Variants in POC1A observed in about 807,000 individuals in gnomAD.
POC1A encodes POC1 centriolar protein A.
In POC1A, 34 loss-of-function variants were observed where a neutral mutation model predicts 47.8. The ratio of observed to expected loss-of-function variants is 0.71; its 90% confidence interval spans 0.54 to 0.95. POC1A has a LOEUF of 0.95. Ranked by LOEUF, POC1A falls within the 40% of genes least tolerant of loss-of-function variation. The pLI is 0.00. For missense variants in POC1A, 466 were observed against 528.3 expected, an observed-to-expected ratio of 0.88 and a Z score of 1.16; for synonymous variants, 177 against 207.6, an observed-to-expected ratio of 0.85 and a Z score of 1.27.
Position 52,080,534 on chromosome 3 carries a change from C to T in POC1A, c.1126-4549G>A, listed in dbSNP as rs569644082. 5.9e-5 allele frequency among the ~76,000 whole-genome samples: 9 copies of T among 152,282 alleles called. No homozygotes were observed. The East Asian group carries it at 1.5e-3, about 26-fold the overall frequency. ...TTGTCAGGCCTCATGTGTCACCTCC[C>T]CCTGAAAAGCAGTCTCTTACCTGGC... On this transcript the variant is annotated intron_variant, in intron 10 of 10. Transcript: ENST00000296484.
chr3:52,083,934 G>A (rs1019377362), intron 10 of POC1A, among the ~76,000 whole-genome samples: 4 of 152,244 alleles, frequency 2.6e-5, no homozygotes. Context: ...AGGGTGCTTG[G>A]CCTCAAGTGG....
At chr3:52,124,898 T>A (rs1703937520) in intron 8 of POC1A, among the ~76,000 whole-genome samples, 1 of 152,188 alleles carries the variant, frequency 6.6e-6, no homozygotes, top group Admixed American at 6.5e-5. Context: ...GATGCAGCCA[T>A]GAGGTCGGCA....
intron 1 of POC1A, among the ~76,000 whole-genome samples, chr3:52,152,716 A>G (rs1698597536): frequency 6.6e-6 from 1 of 152,274 alleles, no homozygotes; most frequent in Non-Finnish European, 1.5e-5. Context: ...ACAAATGTTC[A>G]GAGCAGCATT....
chr3:52,131,648 C>T (rs1288173801), intron 7 of POC1A, among the ~76,000 whole-genome samples: 1 of 152,142 alleles, frequency 6.6e-6, no homozygotes, highest in Non-Finnish European at 1.5e-5. Flanking sequence ...CCAAGGCACC[C>T]GGCAAAGCAA....
At chr3:52,081,505 G>C (rs1702280903) in intron 10 of POC1A, among the ~76,000 whole-genome samples, 2 of 151,700 alleles carry the variant, frequency 1.3e-5, no homozygotes, top group African/African-American at 4.9e-5. Flanking sequence ...TGCTGGGACG[G>C]AGGGGCAAGA....
chr3:52,154,243 CCCTGGAA>C, intron 1 of POC1A, 105 bp downstream of exon 1: 1 of 1,216,592 alleles, frequency 8.2e-7, no homozygotes, highest in Non-Finnish European at 1.2e-6. Flanking sequence ...AAGAGGACCA[CCCTGGAA>C]CCTGGCGCCC....
At chr3:52,095,992 T>C (rs937802460) in intron 10 of POC1A, among the ~76,000 whole-genome samples, 3 of 152,268 alleles carry the variant, frequency 2.0e-5, no homozygotes, top group South Asian at 2.1e-4. Flanking sequence ...CTAACATTTA[T>C]TGAGCAGCTA....
chr3:52,093,133 C>T (rs549521194), intron 10 of POC1A, among the ~76,000 whole-genome samples: 1 of 152,348 alleles, frequency 6.6e-6, no homozygotes, highest in East Asian at 1.9e-4. Context: ...TGGGCTGCTG[C>T]TTCTGTTACC....
At chr3:52,085,088 C>G (rs1233822736) in intron 10 of POC1A, among the ~76,000 whole-genome samples, 1 of 152,182 alleles carries the variant, frequency 6.6e-6, no homozygotes, top group Non-Finnish European at 1.5e-5. Flanking sequence ...CTGGGAGAGG[C>G]AGTAGGAGGG....
At chr3:52,118,461 G>C (rs763041437) in intron 9 of POC1A, among the ~76,000 whole-genome samples, 3 of 152,220 alleles carry the variant, frequency 2.0e-5, no homozygotes, top group Admixed American at 6.5e-5. Context: ...GCAGTGAACA[G>C]AGCTCTATTC....
At chr3:52,088,294 A>C (rs939033394) in intron 10 of POC1A, among the ~76,000 whole-genome samples, 1 of 152,032 alleles carries the variant, frequency 6.6e-6, no homozygotes, top group Non-Finnish European at 1.5e-5. Flanking sequence ...CAGTGGGAAA[A>C]CCTGAGCAAT....
rs149522762 is a variant in POC1A at position 52,102,900 on chromosome 3, C to T, written c.982-6188G>A. ...TGGAAAGGCAAAGGAACTAGAAAAG[C>T]CAAAATAATTTTGAAAAAAAGAATA... On this transcript the variant is annotated intron_variant, in intron 9 of 10. Coordinates refer to ENST00000296484, the MANE Select transcript of POC1A (RefSeq NM_015426.5). 5.4e-3 allele frequency among the ~76,000 whole-genome samples: 820 copies of T among 152,062 alleles called. 4 individuals carry two copies. Among genetic ancestry groups the T allele is most frequent in the Admixed American group, 8.1e-3 (124 of 15,282 alleles).
rs1277642896 is a variant in POC1A, at chr3:52,084,363, C to T, written c.1126-8378G>A. On this transcript the variant is annotated intron_variant, in intron 10 of 10. Coordinates refer to ENST00000296484, the MANE Select transcript of POC1A (RefSeq NM_015426.5). This position sits in a 1 kb window ranked among gnomAD's most constrained non-coding sequence, Gnocchi z 4.3. ...AGGGAAGCTGGAGCCGTAACTTCTC[C>T]AAAACTGAGGAGTTGTGGGACACTC... Among the ~76,000 whole-genome samples, 1 of 152,168 alleles carries T rather than the reference C, an allele frequency of 6.6e-6. No individual in the cohort carries two copies. The highest frequency in any genetic ancestry group is 6.5e-5 in the Admixed American group (1 of 15,276).
chr3:52,075,754 G>A lies in POC1A; in HGVS notation c.*133C>T. 1.4e-6 allele frequency: 1 copy of A among 735,712 alleles called. No homozygotes were observed. The highest frequency in any genetic ancestry group is 2.6e-5 in the East Asian group (1 of 38,058). 45.6% of individuals were successfully genotyped at this position (735,712 alleles called of 1,614,324 possible). On this transcript the variant is annotated 3_prime_UTR_variant, in exon 11 of 11. Transcript: ENST00000296484. The stretch of plus-strand genomic sequence containing the variant: ...AGATAGCAAGGTGGAGGGCAGAACT[G>A]CAAAAATCCAGGGCTCCAGTATGGA...
chr3:52,144,314 T>G (rs560117126), intron 6 of POC1A, among the ~76,000 whole-genome samples: 4 of 152,130 alleles, frequency 2.6e-5, no homozygotes, highest in Non-Finnish European at 5.9e-5. Context: ...GAAGGAAGGA[T>G]AGGAAAGATA....
chr3:52,148,698 C>T (rs1413495828), intron 4 of POC1A, among the ~76,000 whole-genome samples: 1 of 152,224 alleles, frequency 6.6e-6, no homozygotes, highest in African/African-American at 2.4e-5. Context: ...CTGAGAACAT[C>T]CCAGAGGAAA....
intron 10 of POC1A, among the ~76,000 whole-genome samples, chr3:52,091,662 G>C (rs1702652080): frequency 6.6e-6 from 1 of 152,170 alleles, no homozygotes; most frequent in African/African-American, 2.4e-5. Context: ...CAACTCAAAA[G>C]CATTTCTGGG....
At chr3:52,128,539 C>T (rs541359600) in intron 7 of POC1A, among the ~76,000 whole-genome samples, 3 of 152,322 alleles carry the variant, frequency 2.0e-5, no homozygotes, top group African/African-American at 7.2e-5. Context: ...GTTCTTCTGC[C>T]TAGCAGCCCA....
intron 5 of POC1A, 91 bp downstream of exon 5, chr3:52,146,897 C>T: frequency 9.5e-7 from 1 of 1,051,940 alleles, no homozygotes; most frequent in Non-Finnish European, 1.5e-6. Context: ...CCCACGGCTC[C>T]AGCCACTGAA....
Sources: gnomAD v4.1 joint callset for allele counts (sites outside exome capture counted in the v4.1 genomes callset) on GRCh38, gnomAD v4.1.1 for gene constraint, Gnocchi (gnomAD v3.1) non-coding constraint, MANE v1.5 for transcripts, NCBI Gene and HGNC (gene_info 2026-07-23, HGNC 2026-07-21) for gene names.